Variants in CDH23 observed in about 807,000 individuals in gnomAD.
CDH23 encodes the protein cadherin related 23, also known as cadherin-23.
Under a neutral mutation model 317.1 loss-of-function variants are expected in CDH23, and 189 were observed. The ratio of observed to expected loss-of-function variants is 0.60; its 90% CI spans 0.53 to 0.67. CDH23 has a LOEUF of 0.67. CDH23 is among the 30% of genes least tolerant of loss of function. The pLI, the probability that CDH23 is intolerant of heterozygous loss-of-function variation, is 0.00. For synonymous variants in CDH23, 1,839 were observed against 1,876.8 expected (o/e 0.98, Z 0.52); for missense variants, 4,401 against 4,592.4 (o/e 0.96, Z 1.20).
intron 6 of CDH23, among the ~76,000 whole-genome samples, chr10:71,546,833 C>T (rs1048933088): frequency 6.6e-6 from 1 of 152,214 alleles, no homozygotes; most frequent in African/African-American, 2.4e-5. Flanking sequence ...TTCAGACTCT[C>T]TAGGTGCCTG....
At chr10:71,556,708 C>G (rs1235582408) in intron 6 of CDH23, among the ~76,000 whole-genome samples, 2 of 152,090 alleles carry the variant, frequency 1.3e-5, no homozygotes, top group Admixed American at 6.5e-5. Flanking sequence ...ATTTAAAAGT[C>G]AAATAGTACA....
At chr10:71,754,798 G>A (rs1468089867) in intron 38 of CDH23, among the ~76,000 whole-genome samples, 1 of 152,170 alleles carries the variant, frequency 6.6e-6, no homozygotes, top group African/African-American at 2.4e-5. Flanking sequence ...CCTGGAAAGA[G>A]CATGCGTTGA....
chr10:71,723,510 C>T (rs1238838021), intron 28 of CDH23, among the ~76,000 whole-genome samples: 1 of 152,156 alleles, frequency 6.6e-6, no homozygotes, highest in Non-Finnish European at 1.5e-5. Flanking sequence ...GGTGATGGTG[C>T]GTGTGAATGA....
At chr10:71,403,047 A>T (rs1210653684) in intron 1 of CDH23, among the ~76,000 whole-genome samples, 1 of 152,060 alleles carries the variant, frequency 6.6e-6, no homozygotes, top group East Asian at 1.9e-4. Flanking sequence ...GGGTGAACCC[A>T]GGAGGCGGAG....
At chr10:71,767,063 C>A (rs767983344) in intron 38 of CDH23, among the ~76,000 whole-genome samples, 5 of 152,244 alleles carry the variant, frequency 3.3e-5, no homozygotes, top group Non-Finnish European at 5.9e-5. Flanking sequence ...CCATCAGGGG[C>A]ATCTGCTCAG....
intron 49 of CDH23, among the ~76,000 whole-genome samples, chr10:71,797,588 T>C (rs1841436105): frequency 6.6e-6 from 1 of 152,130 alleles, no homozygotes; most frequent in Non-Finnish European, 1.5e-5. Flanking sequence ...GGATGTGAGA[T>C]GGGAACCCTA....
intron 14 of CDH23, among the ~76,000 whole-genome samples, chr10:71,652,678 A>G (rs1325185432): frequency 6.6e-6 from 1 of 152,204 alleles, no homozygotes; most frequent in Non-Finnish European, 1.5e-5. Context: ...ATTCATGAAG[A>G]CACAGCACAG....
chr10:71,812,103 G>C (rs1025459052), intron 66 of CDH23, 88 bp downstream of exon 66: 8 of 1,608,566 alleles, frequency 5.0e-6, no homozygotes, highest in Middle Eastern at 1.7e-4. Flanking sequence ...CAGCGCTGGG[G>C]CTGCCGAAAC....
At chr10:71,642,602 G>A (rs1005377696) in intron 11 of CDH23, among the ~76,000 whole-genome samples, 2 of 151,938 alleles carry the variant, frequency 1.3e-5, no homozygotes, top group Non-Finnish European at 2.9e-5. Flanking sequence ...GTTTCACCAT[G>A]TTGGCCAGGC....
chr10:71,439,233 G>A (rs952827296), intron 1 of CDH23, among the ~76,000 whole-genome samples: 4 of 152,124 alleles, frequency 2.6e-5, no homozygotes, highest in African/African-American at 9.7e-5. Flanking sequence ...TGCCTCTTTG[G>A]ACACCATGAC....
Position 71,810,493 on chromosome 10 carries a change from C to A in CDH23, c.9001C>A (p.Arg3001=), listed in dbSNP as rs373064483. The change falls in exon 62 of 70, where the codon CGG becomes AGG. Residue 3001 remains arginine (R), a synonymous_variant. Transcript: ENST00000224721. ...NVQFHVDKKG[R]VNFAQTELLI... is the part of the protein sequence containing the mutation. ...CTAGTTCCATGTGGACAAGAAGGGC[C>A]GGGTGAACTTTGCGCAGACAGAACT... 1.2e-5 allele frequency: 19 copies of A among 1,613,810 alleles called. No homozygotes were observed. The highest frequency in any genetic ancestry group is 1.6e-5 in the Non-Finnish European group (19 of 1,179,866).
intron 14 of CDH23, among the ~76,000 whole-genome samples, chr10:71,649,340 T>C (rs1863052885): frequency 6.6e-6 from 1 of 152,124 alleles, no homozygotes; most frequent in Admixed American, 6.5e-5. Flanking sequence ...TCATGGGGAG[T>C]TGTGTCAGGA....
chr10:71,751,758 G>A lies in CDH23; in HGVS notation c.4845+9837G>A. 1 of 1,603,402 alleles carries A rather than the reference G, an allele frequency of 6.2e-7. No homozygotes were observed. The highest frequency in any genetic ancestry group is 8.5e-7 in the Non-Finnish European group (1 of 1,174,568). ...AGATGCCGCCCAGACTCAGAAGGCT[G>A]CCGCTGGGCCACATAGGACAGGGGG... On this transcript the variant is annotated intron_variant, in intron 38 of 69. Transcript: ENST00000224721. This position sits in a 1 kb window ranked among gnomAD's most constrained non-coding sequence, Gnocchi z 4.9.
intron 3 of CDH23, among the ~76,000 whole-genome samples, chr10:71,483,734 A>G (rs1172551756): frequency 6.6e-6 from 1 of 152,156 alleles, no homozygotes; most frequent in Non-Finnish European, 1.5e-5. Flanking sequence ...ATGCAATCCT[A>G]CACCCATTTT....
Position 71,645,924 on chromosome 10 carries a change from C to G in CDH23, c.1234C>G (p.Arg412Gly). The change falls in exon 13 of 70, where the codon CGT becomes GGT. Residue 412 changes from arginine (R) to glycine (G), a missense_variant. Around this residue, in one of 3 missense-constraint regions of CDH23, gnomAD observed 3,068 missense variants for 3,203.3 expected, o/e 0.96. Coordinates refer to ENST00000224721, the MANE Select transcript of CDH23 (RefSeq NM_022124.6). ...CTCCGTCCAGGGGAAGGCGGACATT[C>G]GTATTCGGGTGGCCATCCCACTGGA... ...PTSVQGKADI[R>G]IRVAIPLDYE... 6.2e-7 allele frequency: 1 copy of G among 1,613,640 alleles called. No individual in the cohort carries two copies. The highest frequency in any genetic ancestry group is 1.3e-5 in the African/African-American group (1 of 75,036).
chr10:71,773,574 C>T, intron 38 of CDH23: 2 of 724,920 alleles, frequency 2.8e-6, no homozygotes, highest in South Asian at 2.6e-5. Flanking sequence ...TCCAGGCACC[C>T]GCCCCCTTCG....
At chr10:71,636,827 G>A (rs957511513) in intron 11 of CDH23, among the ~76,000 whole-genome samples, 2 of 152,208 alleles carry the variant, frequency 1.3e-5, no homozygotes, top group African/African-American at 4.8e-5. Flanking sequence ...CTGGAGCCAT[G>A]AGTGGCGGGG....
chr10:71,719,431 C>G (rs531045147), intron 28 of CDH23, among the ~76,000 whole-genome samples: 6 of 152,354 alleles, frequency 3.9e-5, no homozygotes, highest in African/African-American at 1.2e-4. Flanking sequence ...AGAGCAGGAC[C>G]TGCTGTGGGC....
rs1375668361 is a variant in CDH23 at position 71,751,693 on chromosome 10, G to A, written c.4845+9772G>A. 5 of 1,546,204 alleles carry A rather than the reference G, an allele frequency of 3.2e-6. No individual in the cohort carries two copies. Among genetic ancestry groups the A allele is most frequent in the African/African-American group, 1.4e-5 (1 of 72,494 alleles). ...CCAGGGATGGGAAGAAGACGTCTCC[G>A]GGGCCTGGAGGAGACAGGGGGGTGC... On this transcript the variant is annotated intron_variant, in intron 38 of 69. Coordinates refer to ENST00000224721, the MANE Select transcript of CDH23 (RefSeq NM_022124.6). The surrounding 1 kb of genome is among the most constrained non-coding windows in gnomAD (Gnocchi z 4.9).
Sources: gnomAD v4.1 joint callset for allele counts (sites outside exome capture counted in the v4.1 genomes callset) on GRCh38, gnomAD v4.1.1 for gene constraint, gnomAD v4.1.1 regional missense constraint, Gnocchi (gnomAD v3.1) non-coding constraint, MANE v1.5 for transcripts, NCBI Gene and HGNC (gene_info 2026-07-23, HGNC 2026-07-21) for gene names.